ADAMTS17: variants seen among roughly 807,000 people sequenced by gnomAD.
The protein encoded by ADAMTS17 is A disintegrin and metalloproteinase with thrombospondin motifs 17.
Under a neutral mutation model 141.5 loss-of-function variants are expected in ADAMTS17, and 113 were observed. The observed-to-expected ratio is 0.80, with a 90% CI of 0.69 to 0.93. The LOEUF is 0.93. Ranked by LOEUF, ADAMTS17 falls within the 40% of genes least tolerant of loss-of-function variation. The pLI, the probability that ADAMTS17 is intolerant of heterozygous loss-of-function variation, is 0.00. For synonymous variants in ADAMTS17, 768 were observed against 630.6 expected, an observed-to-expected ratio of 1.22 and a Z score of -3.27; for missense variants, 1,659 against 1,517.9, an observed-to-expected ratio of 1.09 and a Z score of -1.54.
chr15:100,337,483 G>A (rs1047005057), intron 2 of ADAMTS17, among the ~76,000 whole-genome samples: 8 of 152,206 alleles, frequency 5.3e-5, no homozygotes, highest in Admixed American at 1.3e-4. Flanking sequence ...GGCCTGGAAC[G>A]TGGATCCCTG....
rs151066211 is a variant in ADAMTS17 at position 100,208,509 on chromosome 15, T to G, written c.1076-9086A>C. On this transcript the variant is annotated intron_variant, in intron 7 of 21. Transcript: ENST00000268070. ...GATGTTTGCCTTATAATAATTCATT[T>G]AGAGATCAAAAAGTCAGGTCAGTGT... Among the ~76,000 whole-genome samples the G allele has an allele frequency of 1.8e-3, 271 of 152,218 alleles. 2 individuals carry two copies. The highest frequency in any genetic ancestry group is 6.1e-3 in the African/African-American group (255 of 41,528).
chr15:100,146,635 A>G (rs1433545287), intron 10 of ADAMTS17, among the ~76,000 whole-genome samples: 7 of 102,068 alleles, frequency 6.9e-5, no homozygotes, highest in Non-Finnish European at 1.4e-4. Context: ...AAGAGAGATA[A>G]CCTTAAACTC....
At chr15:100,079,776 C>G (rs919161826) in intron 15 of ADAMTS17, among the ~76,000 whole-genome samples, 2 of 152,146 alleles carry the variant, frequency 1.3e-5, no homozygotes, top group Admixed American at 1.3e-4. Context: ...TCCGTGGAGT[C>G]TCGGAATGCC....
chr15:100,044,128 C>G (rs1161172215), intron 18 of ADAMTS17, among the ~76,000 whole-genome samples: 1 of 152,130 alleles, frequency 6.6e-6, no homozygotes, highest in African/African-American at 2.4e-5. Flanking sequence ...TCAGAGGGCT[C>G]TGTTATGGCA....
At chr15:100,246,202 C>CA (rs2042981892) in intron 7 of ADAMTS17, among the ~76,000 whole-genome samples, 1 of 152,116 alleles carries the variant, frequency 6.6e-6, no homozygotes, top group Admixed American at 6.5e-5. Flanking sequence ...CTAAAGCCTC[C>CA]ACTTTTTTGT....
At chr15:99,980,649 CTCAGCCCTGCAGGAGTG>C (rs2060465663) in intron 20 of ADAMTS17, 1 of 152,282 alleles carries the variant, frequency 6.6e-6, no homozygotes, top group Non-Finnish European at 1.5e-5. Flanking sequence ...TGTTAAGGGG[CTCAGCCCTGCAGGAGTG>C]CCAGGAAGGG....
At chr15:100,010,873 A>C (rs2061152767) in intron 18 of ADAMTS17, among the ~76,000 whole-genome samples, 2 of 151,874 alleles carry the variant, frequency 1.3e-5, no homozygotes, top group Non-Finnish European at 2.9e-5. Context: ...TCCATTTAAA[A>C]CTCGAGAATT....
chr15:100,255,206 G>A (rs916698023), intron 6 of ADAMTS17, among the ~76,000 whole-genome samples: 4 of 152,120 alleles, frequency 2.6e-5, no homozygotes, highest in African/African-American at 7.2e-5. Context: ...TCATTCCTAT[G>A]CTTCTTTATA....
In ADAMTS17 at chr15:100,152,764, T is replaced by C. The variant is rs2039235887; in HGVS notation, c.1323-2A>G. 6.2e-7 allele frequency: 1 copy of C among 1,614,116 alleles called. No homozygotes were observed. The highest frequency in any genetic ancestry group is 8.5e-7 in the Non-Finnish European group (1 of 1,180,030). The stretch of plus-strand genomic sequence containing the variant: ...AGCAAGCAGGTGCTGACTTTTGACC[T>C]GAAACAGCCGAGAGGCAAGTTGACT... On this transcript the variant is annotated splice_acceptor_variant, in intron 9 of 21. Coordinates refer to ENST00000268070, the MANE Select transcript of ADAMTS17 (RefSeq NM_139057.4). LOFTEE classifies it high-confidence loss of function.
At chr15:100,270,329 C>T (rs780543184) in intron 4 of ADAMTS17, among the ~76,000 whole-genome samples, 2 of 151,566 alleles carry the variant, frequency 1.3e-5, no homozygotes, top group Non-Finnish European at 2.9e-5. Context: ...CGGTAAAAGA[C>T]AAGACCTAGA....
chr15:100,049,086 CTGA>C (rs2031940191), intron 17 of ADAMTS17, 94 bp from the exon 18 acceptor site: 1 of 1,579,598 alleles, frequency 6.3e-7, no homozygotes, highest in Non-Finnish European at 8.7e-7. Context: ...TTGGGTGCTG[CTGA>C]TGGTCACTTG....
In ADAMTS17 at chr15:100,324,367, G is replaced by A. The variant is rs553739089; in HGVS notation, c.616+6522C>T. ...AAATCTGACCACATGTTAACATAGG[G>A]TAGGTCTGAATACTGGATACGCAGG... On this transcript the variant is annotated intron_variant, in intron 3 of 21. Transcript: ENST00000268070. Among the ~76,000 whole-genome samples the A allele has an allele frequency of 1.1e-3, 163 of 152,294 alleles. 2 individuals are homozygous for A. Among genetic ancestry groups the A allele is most frequent in the African/African-American group, 3.8e-3 (160 of 41,560 alleles).
chr15:100,085,100 T>A (rs8026316), intron 15 of ADAMTS17, among the ~76,000 whole-genome samples: 49,379 of 151,222 alleles, frequency 0.33, 10,296 homozygotes, highest in East Asian at 0.58. Flanking sequence ...CTTGAAAAAA[T>A]ATTAGATGAA....
At chr15:100,316,935 CA>C (rs1371777968) in intron 3 of ADAMTS17, among the ~76,000 whole-genome samples, 2 of 152,192 alleles carry the variant, frequency 1.3e-5, no homozygotes, top group Non-Finnish European at 2.9e-5. Context: ...CACAGGTGGG[CA>C]GCAGGAAATG....
In ADAMTS17 at chr15:100,295,448, C is replaced by G. The variant is rs191864633; in HGVS notation, c.617-14047G>C. ...TTTCAGCTCAGTAGGGACAACCATA[C>G]AGGACAACTATGGTTCCAGCCTCCA... On this transcript the variant is annotated intron_variant, in intron 3 of 21. Transcript: ENST00000268070. Among the ~76,000 whole-genome samples the G allele has an allele frequency of 6.6e-5, 10 of 152,238 alleles. No individual in the cohort carries two copies. The East Asian group carries it at 1.9e-3, about 29-fold the overall frequency.
chr15:100,207,501 C>T (rs1261852850), intron 7 of ADAMTS17, among the ~76,000 whole-genome samples: 1 of 152,208 alleles, frequency 6.6e-6, no homozygotes, highest in East Asian at 1.9e-4. Context: ...TCACCATGCT[C>T]ATTTGCCACA....
In ADAMTS17 at chr15:100,341,233, G is replaced by T. The variant is rs1489078498; in HGVS notation, c.256C>A (p.Pro86Thr). 3 of 1,414,556 alleles carry T rather than the reference G, an allele frequency of 2.1e-6. No individual in the cohort carries two copies. Among genetic ancestry groups the T allele is most frequent in the Non-Finnish European group, 2.8e-6 (3 of 1,082,586 alleles). The allele number at this position is 1,414,556 out of a possible 1,614,324, so 87.6% of individuals were successfully genotyped here. ...PGERALLLHL[P>T]AFGRDLYLQL... The stretch of plus-strand genomic sequence containing the variant: ...AGGTACAGGTCGCGCCCGAAGGCCG[G>T]CAGGTGCAGCAGCAGGGCGCGCTCT... The change falls in exon 2 of 22, where the codon CCG becomes ACG. Residue 86 changes from proline (P) to threonine (T), a missense_variant. Transcript: ENST00000268070.
chr15:99,992,913 G>A (rs950208770), intron 20 of ADAMTS17, 135 bp downstream of exon 20: 34 of 1,134,696 alleles, frequency 3.0e-5, no homozygotes, highest in Non-Finnish European at 3.9e-5. Context: ...GTTGCAGCGG[G>A]TGGAAGGAAA....
chr15:100,280,976 A>C (rs2044259944), intron 4 of ADAMTS17, among the ~76,000 whole-genome samples: 2 of 152,170 alleles, frequency 1.3e-5, no homozygotes, highest in African/African-American at 4.8e-5. Flanking sequence ...TCTGGTAACA[A>C]GTGGCCCCAT....
Sources: allele counts gnomAD v4.1 joint callset (sites outside exome capture counted in the v4.1 genomes callset), GRCh38; gene constraint gnomAD v4.1.1; transcripts MANE v1.5; gene names NCBI Gene and HGNC (gene_info 2026-07-23, HGNC 2026-07-21).